The following BTBD8 variants were observed in gnomAD, a reference collection of about 807,000 sequenced individuals.
BTBD8 encodes BTB/POZ domain-containing protein 8.
A neutral mutation model predicts 162.9 loss-of-function variants in BTBD8; 110 were observed. That is an observed-to-expected ratio of 0.68 (90% CI 0.58 to 0.79). BTBD8 has a LOEUF of 0.79. Ranked by LOEUF, BTBD8 falls within the 30% of genes least tolerant of loss-of-function variation. BTBD8 has a pLI of 0.00. For synonymous variants in BTBD8, 667 were observed against 716.1 expected (o/e 0.93, Z 1.10); for missense variants, 1,905 against 2,085.4 (o/e 0.91, Z 1.68).
At position 92,107,982 on chromosome 1, in the gene BTBD8, A is replaced by G; in HGVS notation, c.643A>G (p.Lys215Glu). 6.2e-7 allele frequency: 1 copy of G among 1,613,550 alleles called. No individual in the cohort carries two copies. Among genetic ancestry groups the G allele is most frequent in the Non-Finnish European group, 8.5e-7 (1 of 1,179,508 alleles). Residue 215 changes from lysine (K) to glutamate (E), a missense_variant, in exon 4 of 18, where the codon AAA (lysine) becomes GAA (glutamate). Lys to Glu is a moderately conservative substitution (Grantham distance 56, BLOSUM62 1). Transcript: ENST00000636805. ...CPDIDIFVDG[K>E]RFKAHRAILS... is the part of the protein sequence containing the mutation. ...AGATATTGATATTTTTGTTGATGGA[A>G]AACGTTTTAAAGCTCACAGGTAAAT...
chr1:92,116,934 G>A (rs998951296), intron 4 of BTBD8, among the ~76,000 whole-genome samples: 5 of 149,284 alleles, frequency 3.3e-5, no homozygotes, highest in African/African-American at 1.0e-4. Context: ...CTGTAACCTT[G>A]AACTGCTGGG....
At chr1:92,112,180 C>T (rs550227708) in intron 4 of BTBD8, among the ~76,000 whole-genome samples, 24 of 152,142 alleles carry the variant, frequency 1.6e-4, no homozygotes, top group African/African-American at 2.2e-4. Flanking sequence ...GAGGCTGAGA[C>T]GAGAGGATCA....
At chr1:92,092,547 T>C (rs1648339003) in intron 2 of BTBD8, among the ~76,000 whole-genome samples, 1 of 152,186 alleles carries the variant, frequency 6.6e-6, no homozygotes, top group African/African-American at 2.4e-5. Flanking sequence ...CTTGGTCTTC[T>C]AGCCTCCGAA....
intron 9 of BTBD8, 90 bp from the exon 10 acceptor site, chr1:92,166,868 C>A: frequency 1.5e-6 from 2 of 1,313,828 alleles, no homozygotes; most frequent in Non-Finnish European, 2.0e-6. Context: ...CAGGAAACAT[C>A]CCATAACAAC....
rs1429743705 is a variant in BTBD8 at position 92,177,454 on chromosome 1, A to G, written c.2261A>G (p.Glu754Gly). Residue 754 changes from glutamate (E) to glycine (G), a missense_variant, in exon 14 of 18, where the codon GAA becomes GGA. By Grantham distance (98) the Glu-to-Gly change is moderately conservative (BLOSUM62 -2). This residue lies in a region of BTBD8 where 1,374 missense variants were observed against 1,442.7 expected (regional missense o/e 0.95). Transcript: ENST00000636805. ...DEPKENGSTE[E>G]EKPSGHKLSF... ...CCGAAAGAAAATGGATCAACAGAAG[A>G]AGAAAAGCCTTCTGGACATAAACTA... is the stretch of plus-strand genomic sequence containing the variant. The G allele has an allele frequency of 6.4e-6, 10 of 1,551,534 alleles. No individual in the cohort carries two copies. Among genetic ancestry groups the G allele is most frequent in the Admixed American group, 3.9e-5 (2 of 50,986 alleles).
chr1:92,184,161 G>T lies in BTBD8; in HGVS notation c.5210G>T (p.Arg1737Leu). The T allele has an allele frequency of 6.4e-7, 1 of 1,551,586 alleles. No individual in the cohort carries two copies. Among genetic ancestry groups the T allele is most frequent in the Non-Finnish European group, 8.7e-7 (1 of 1,146,864 alleles). The change falls in exon 18 of 18, where the codon CGA becomes CTA. Residue 1737 changes from arginine to leucine, a missense_variant. Around this residue, in one of 3 missense-constraint regions of BTBD8, gnomAD observed 517 missense variants for 606.6 expected, o/e 0.85. Coordinates refer to ENST00000636805, the MANE Select transcript of BTBD8 (RefSeq NM_001376131.1). ...ATCAATCAGACACTACTTTTAGCACGAGATAGCTCAAAACCTCAGGGTATA... is the reference window on the plus strand; with the variant it reads ...ATCAATCAGACACTACTTTTAGCACTAGATAGCTCAAAACCTCAGGGTATA... ...YLINQTLLLA[R>L]DSSKPQGITH... is the part of the protein sequence containing the mutation.
At chr1:92,176,040 T>A (rs1395689622) in intron 13 of BTBD8, among the ~76,000 whole-genome samples, 1 of 152,156 alleles carries the variant, frequency 6.6e-6, no homozygotes, top group Non-Finnish European at 1.5e-5. Flanking sequence ...TATACTAGTA[T>A]CTTATTTGTC....
rs1338822739 is a variant in BTBD8, at chr1:92,167,159, A to G, written c.1305+19A>G. 2 of 1,549,362 alleles carry G rather than the reference A, an allele frequency of 1.3e-6. No homozygotes were observed. Among genetic ancestry groups the G allele is most frequent in the African/African-American group, 1.4e-5 (1 of 73,020 alleles). Reference sequence around the variant, plus strand: ...TTTACAGGTACTATGCCTAAATTATATCCTATATTTAGTTCCATCTTTGTG... The same window carrying G: ...TTTACAGGTACTATGCCTAAATTATGTCCTATATTTAGTTCCATCTTTGTG... On this transcript the variant is annotated intron_variant, in intron 10 of 17. Coordinates refer to ENST00000636805, the MANE Select transcript of BTBD8 (RefSeq NM_001376131.1).
At chr1:92,089,041 G>A in intron 2 of BTBD8, 146 bp downstream of exon 2, 1 of 756,430 alleles carries the variant, frequency 1.3e-6, no homozygotes, top group Non-Finnish European at 2.1e-6. Flanking sequence ...TTAGTAATTA[G>A]TGTTGACAGA....
At chr1:92,125,540 A>G in intron 4 of BTBD8, 1 of 308,436 alleles carries the variant, frequency 3.2e-6, no homozygotes, top group Admixed American at 4.0e-5. Context: ...ATTCAGGAGA[A>G]TGAAATCTCT....
intron 9 of BTBD8, among the ~76,000 whole-genome samples, chr1:92,157,372 A>C (rs1168273632): frequency 6.6e-6 from 1 of 152,188 alleles, no homozygotes; most frequent in Non-Finnish European, 1.5e-5. Context: ...CTTAAGAAGA[A>C]TGTATATTCT....
chr1:92,154,433 C>G (rs1267351444), intron 9 of BTBD8, among the ~76,000 whole-genome samples: 1 of 152,156 alleles, frequency 6.6e-6, no homozygotes, highest in Non-Finnish European at 1.5e-5. Flanking sequence ...TCTCCACATC[C>G]TCACCAAAAC....
At chr1:92,166,068 A>T (rs1227387345) in intron 9 of BTBD8, among the ~76,000 whole-genome samples, 3 of 152,156 alleles carry the variant, frequency 2.0e-5, no homozygotes, top group African/African-American at 7.2e-5. Context: ...AGTACATGGT[A>T]TTTGCTCATT....
At position 92,146,544 on chromosome 1, in the gene BTBD8, A is replaced by G. The variant is rs554066405; in HGVS notation, c.931-636A>G. ...TTTATACACATGTATAATGACATGT[A>G]TCTACCATTATAGTATCATACGGAG... is the stretch of plus-strand genomic sequence containing the variant. On this transcript the variant is annotated intron_variant, in intron 7 of 17. Coordinates refer to ENST00000636805, the MANE Select transcript of BTBD8 (RefSeq NM_001376131.1). 3.3e-5 allele frequency among the ~76,000 whole-genome samples: 5 copies of G among 152,330 alleles called. No individual in the cohort carries two copies. The East Asian group carries it at 9.6e-4, about 29-fold the overall frequency.
intron 2 of BTBD8, among the ~76,000 whole-genome samples, chr1:92,099,603 T>G (rs1419390189): frequency 6.6e-6 from 1 of 152,208 alleles, no homozygotes; most frequent in East Asian, 1.9e-4. Flanking sequence ...CTTATACTTC[T>G]TTTGTTAAAT....
intron 4 of BTBD8, among the ~76,000 whole-genome samples, chr1:92,109,988 C>G (rs560673472): frequency 2.6e-5 from 4 of 152,040 alleles, no homozygotes; most frequent in Non-Finnish European, 5.9e-5. Flanking sequence ...TTTTTAAAAC[C>G]TTAGTTTGCT....
Position 92,177,166 on chromosome 1 carries a change from T to C in BTBD8, c.1973T>C (p.Val658Ala). The C allele has an allele frequency of 6.4e-7, 1 of 1,551,682 alleles. No homozygotes were observed. Among genetic ancestry groups the C allele is most frequent in the Non-Finnish European group, 8.7e-7 (1 of 1,147,002 alleles). ...TTGGAAAACATGTCACCTAGACAAG[T>C]TGTAGAAAGATCAGCAACAGCAGCA... ...ARLENMSPRQVVERSATAAAA... is the reference protein window; with the variant it reads ...ARLENMSPRQAVERSATAAAA... The change falls in exon 14 of 18, where the codon GTT becomes GCT. Residue 658 changes from valine (V) to alanine (A), a missense_variant. By Grantham distance (64) the Val-to-Ala change is moderately conservative. This residue lies in a region of BTBD8 where 1,374 missense variants were observed against 1,442.7 expected (regional missense o/e 0.95). Transcript: ENST00000636805.
Position 92,080,457 on chromosome 1 carries a change from G to A in BTBD8, c.-115G>A, listed in dbSNP as rs559911432. The stretch of plus-strand genomic sequence containing the variant: ...CGAGAGGCGTCAACCTTTTACCCTA[G>A]GGGGCGGATTTGGGTAGGAGCCGAG... On this transcript the variant is annotated 5_prime_UTR_variant, in exon 1 of 18. Coordinates refer to ENST00000636805, the MANE Select transcript of BTBD8 (RefSeq NM_001376131.1). 4.8e-6 allele frequency: 7 copies of A among 1,466,910 alleles called. No individual in the cohort carries two copies. Among genetic ancestry groups the A allele is most frequent in the Non-Finnish European group, 6.4e-6 (7 of 1,097,296 alleles). 90.9% of individuals were successfully genotyped at this position (1,466,910 alleles called of 1,614,324 possible).
intron 13 of BTBD8, among the ~76,000 whole-genome samples, chr1:92,175,582 C>T (rs1650691488): frequency 6.6e-6 from 1 of 151,120 alleles, no homozygotes; most frequent in Non-Finnish European, 1.5e-5. Flanking sequence ...ATTGCCTGAG[C>T]TCAGGAGTTC....
Sources: allele counts gnomAD v4.1 joint callset (sites outside exome capture counted in the v4.1 genomes callset), GRCh38; gene constraint gnomAD v4.1.1; regional missense constraint gnomAD v4.1.1; transcripts MANE v1.5; gene names NCBI Gene and HGNC (gene_info 2026-07-23, HGNC 2026-07-21).